Variants in PCCA observed in about 807,000 individuals in gnomAD.
PCCA encodes propionyl-CoA carboxylase alpha chain, mitochondrial.
PCCA carries 74 observed loss-of-function variants against 101.3 expected under a neutral mutation model. The observed-to-expected ratio is 0.73, with a 90% CI of 0.61 to 0.89. The LOEUF is 0.89. Ranked by LOEUF, PCCA falls within the 40% of genes least tolerant of loss-of-function variation. The pLI is 0.00. For missense variants in PCCA, 891 were observed against 907.0 expected (o/e 0.98, Z 0.23); for synonymous variants, 294 against 313.6 (o/e 0.94, Z 0.66).
At chr13:100,352,992 C>T (rs370693687) in intron 18 of PCCA, among the ~76,000 whole-genome samples, 8 of 152,312 alleles carry the variant, frequency 5.3e-5, no homozygotes, top group African/African-American at 1.7e-4. Context: ...GCTGGGATTA[C>T]AGGCATGAGC....
chr13:100,338,784 A>G (rs955564303), intron 17 of PCCA, among the ~76,000 whole-genome samples: 2 of 150,712 alleles, frequency 1.3e-5, no homozygotes, highest in African/African-American at 2.5e-5. Context: ...GTTTGTCTCA[A>G]AAGAGGGTGG....
chr13:100,155,097 G>A lies in PCCA; in HGVS notation c.414+5G>A. ...AAGAAAACCAGGGCCCAAGCTGTGAGTCTGAATGAATCTATCTACTGCAGC... is the reference window on the plus strand; with the variant it reads ...AAGAAAACCAGGGCCCAAGCTGTGAATCTGAATGAATCTATCTACTGCAGC... On this transcript the variant is annotated splice_donor_5th_base_variant and intron_variant, in intron 5 of 23. Transcript: ENST00000376285. The A allele has an allele frequency of 6.4e-7, 1 of 1,565,568 alleles. No homozygotes were observed. The highest frequency in any genetic ancestry group is 8.8e-7 in the Non-Finnish European group (1 of 1,135,820).
In PCCA at chr13:100,228,493, T is replaced by C. The variant is rs188922662; in HGVS notation, c.601-7349T>C. Among the ~76,000 whole-genome samples the C allele has an allele frequency of 7.9e-5, 12 of 152,350 alleles. No individual in the cohort carries two copies. In the East Asian group the frequency reaches 2.1e-3, roughly 27 times the overall value. On this transcript the variant is annotated intron_variant, in intron 7 of 23. Coordinates refer to ENST00000376285, the MANE Select transcript of PCCA (RefSeq NM_000282.4). ...ATAGATGTGAGAGCTGTCTTAAGAA[T>C]ATTTTAAAGAGTGTTAAGAATAATC...
At chr13:100,524,999 A>G (rs773596269) in intron 22 of PCCA, among the ~76,000 whole-genome samples, 1,682 of 124,190 alleles carry the variant, frequency 0.014, 20 homozygotes, top group African/African-American at 0.03. Context: ...ATAGATAGAT[A>G]GATAGATAGA....
intron 21 of PCCA, among the ~76,000 whole-genome samples, chr13:100,514,957 A>G (rs2086723058): frequency 2.6e-5 from 4 of 152,232 alleles, no homozygotes; most frequent in Admixed American, 2.6e-4. Flanking sequence ...GTCTTAACTT[A>G]CTGATACGTA....
intron 4 of PCCA, among the ~76,000 whole-genome samples, chr13:100,130,268 T>A (rs1372614234): frequency 6.6e-6 from 1 of 152,256 alleles, no homozygotes; most frequent in Non-Finnish European, 1.5e-5. Context: ...CCTTTGCTGC[T>A]TGTTCCTGCT....
chr13:100,302,122 T>C (rs1216900235), intron 13 of PCCA, among the ~76,000 whole-genome samples: 1 of 152,196 alleles, frequency 6.6e-6, no homozygotes, highest in African/African-American at 2.4e-5. Flanking sequence ...GTAAAACATG[T>C]ACTCTTAATT....
intron 6 of PCCA, among the ~76,000 whole-genome samples, chr13:100,186,567 C>G (rs1300172885): frequency 6.6e-6 from 1 of 151,816 alleles, no homozygotes; most frequent in Non-Finnish European, 1.5e-5. Context: ...AATGACGAAA[C>G]CCTGTCTCTA....
intron 12 of PCCA, among the ~76,000 whole-genome samples, chr13:100,290,931 C>T (rs140073012): frequency 6.6e-6 from 1 of 152,316 alleles, no homozygotes; most frequent in East Asian, 1.9e-4. Flanking sequence ...TTGTGCGTTA[C>T]AGTTAGCCCT....
At chr13:100,168,151 A>G (rs1302353408) in intron 6 of PCCA, among the ~76,000 whole-genome samples, 1 of 152,186 alleles carries the variant, frequency 6.6e-6, no homozygotes, top group African/African-American at 2.4e-5. Flanking sequence ...TTCATTCTTC[A>G]GTTCCACACA....
At chr13:100,102,294 C>T (rs1302818263) in intron 1 of PCCA, among the ~76,000 whole-genome samples, 4 of 152,124 alleles carry the variant, frequency 2.6e-5, no homozygotes, top group Admixed American at 6.5e-5. Context: ...GCTGTACCAC[C>T]GTGCCTGGCT....
intron 7 of PCCA, among the ~76,000 whole-genome samples, chr13:100,224,842 G>C (rs2060055730): frequency 6.6e-6 from 1 of 152,184 alleles, no homozygotes; most frequent in Non-Finnish European, 1.5e-5. Context: ...TATTGCAAAA[G>C]CCTGGAGGTG....
chr13:100,330,626 A>C lies in PCCA; in HGVS notation c.1495A>C (p.Ile499Leu). The C allele has an allele frequency of 6.2e-7, 1 of 1,612,930 alleles. No homozygotes were observed. Residue 499 changes from isoleucine (I) to leucine (L), a missense_variant, in exon 17 of 24, where the codon ATC (isoleucine) becomes CTC (leucine). Transcript: ENST00000376285. ...CAACTCACGCTTTGTAAAAGGAGACATCAGCACTAAATTTCTCTCCGATGT... is the reference window on the plus strand; with the variant it reads ...CAACTCACGCTTTGTAAAAGGAGACCTCAGCACTAAATTTCTCTCCGATGT... ...IINSRFVKGD[I>L]STKFLSDVYP...
chr13:100,405,635 A>C (rs1331172098), intron 19 of PCCA, among the ~76,000 whole-genome samples: 1 of 152,198 alleles, frequency 6.6e-6, no homozygotes, highest in African/African-American at 2.4e-5. Flanking sequence ...TTCCACAAGG[A>C]ATCTCAGATA....
intron 6 of PCCA, among the ~76,000 whole-genome samples, chr13:100,159,375 C>G (rs2054217973): frequency 6.6e-6 from 1 of 151,972 alleles, no homozygotes; most frequent in Non-Finnish European, 1.5e-5. Flanking sequence ...AGGCGTGAGC[C>G]ACTGTGTCTG....
At chr13:100,430,652 T>C (rs1416212551) in intron 20 of PCCA, among the ~76,000 whole-genome samples, 1 of 152,218 alleles carries the variant, frequency 6.6e-6, no homozygotes, top group Non-Finnish European at 1.5e-5. Context: ...TTATTTTCCT[T>C]ATTTTGTTGT....
chr13:100,342,547 C>A (rs942353261), intron 18 of PCCA, among the ~76,000 whole-genome samples: 1 of 151,758 alleles, frequency 6.6e-6, no homozygotes, highest in African/African-American at 2.4e-5. Context: ...GGATTATAGG[C>A]ATGAGCCACC....
At chr13:100,387,729 A>G (rs903849372) in intron 19 of PCCA, among the ~76,000 whole-genome samples, 1 of 152,170 alleles carries the variant, frequency 6.6e-6, no homozygotes, top group Admixed American at 6.5e-5. Context: ...ATCGCACTCT[A>G]CTTTTGAAAC....
chr13:100,337,792 G>A (rs2070725191), intron 17 of PCCA, among the ~76,000 whole-genome samples: 1 of 152,122 alleles, frequency 6.6e-6, no homozygotes, highest in African/African-American at 2.4e-5. Context: ...CCTTGCTGAT[G>A]GTATATACGG....
Sources: allele counts gnomAD v4.1 joint callset (sites outside exome capture counted in the v4.1 genomes callset), GRCh38; gene constraint gnomAD v4.1.1; transcripts MANE v1.5; gene names NCBI Gene and HGNC (gene_info 2026-07-23, HGNC 2026-07-21).